The following CEP63 variants were observed in gnomAD, a reference collection of about 807,000 sequenced individuals.
The protein encoded by CEP63 is centrosomal protein of 63 kDa.
A neutral mutation model predicts 89.1 loss-of-function variants in CEP63; 84 were observed. The observed-to-expected ratio is 0.94, with a 90% CI of 0.79 to 1.13. The LOEUF (loss-of-function observed/expected upper bound fraction) is 1.13, where lower values mean the gene tolerates loss of function less well. Ranked by LOEUF, CEP63 falls within the 50% of genes most tolerant of loss-of-function variation. The pLI is 0.00. For missense variants in CEP63, 838 were observed against 813.3 expected (o/e 1.03, Z -0.37); for synonymous variants, 267 against 272.5 (o/e 0.98, Z 0.20).
the CEP63 span, among the ~76,000 whole-genome samples, chr3:134,644,600 G>A: frequency 6.6e-6 from 1 of 152,230 alleles, no homozygotes; most frequent in Non-Finnish European, 1.5e-5. Flanking sequence ...GCTTGTCACT[G>A]GAAGTGACCA....
the CEP63 span, chr3:134,650,889 G>A: frequency 6.2e-7 from 1 of 1,612,924 alleles, no homozygotes; most frequent in Non-Finnish European, 8.5e-7. Context: ...CCTGTGCGGC[G>A]CGCCGCTTCT....
the CEP63 span, among the ~76,000 whole-genome samples, chr3:134,664,670 T>TGTGTGTG: frequency 2.1e-4 from 28 of 131,014 alleles, no homozygotes; most frequent in Non-Finnish European, 4.4e-4. Context: ...TTAAGCAGTT[T>TGTGTGTG]TGTGTGTGTG....
the CEP63 span, among the ~76,000 whole-genome samples, chr3:134,689,314 A>G: frequency 6.6e-6 from 1 of 152,204 alleles, no homozygotes; most frequent in Non-Finnish European, 1.5e-5. Context: ...ACGTAGCTGA[A>G]TACAGATGTC....
intron 1 of CEP63, among the ~76,000 whole-genome samples, chr3:134,494,339 C>T (rs920973001): frequency 1.3e-5 from 2 of 151,654 alleles, no homozygotes; most frequent in Non-Finnish European, 2.9e-5. Flanking sequence ...TGGTCTCAAA[C>T]TCCTGACCTC....
At chr3:134,551,810 T>C (rs575487597) in intron 11 of CEP63, 116 bp from the exon 12 acceptor site, 3 of 359,050 alleles carry the variant, frequency 8.4e-6, no homozygotes, top group Admixed American at 8.2e-5. Context: ...TGTATATGTA[T>C]ATATATATAA....
intron 1 of CEP63, among the ~76,000 whole-genome samples, chr3:134,490,122 T>TG (rs1350288200): frequency 1.3e-5 from 2 of 152,172 alleles, no homozygotes; most frequent in East Asian, 3.8e-4. Flanking sequence ...GTGTTCTTGC[T>TG]ACTAGGTTAG....
intron 12 of CEP63, among the ~76,000 whole-genome samples, chr3:134,557,392 T>TC (rs1414868107): frequency 1.4e-5 from 2 of 147,568 alleles, no homozygotes; most frequent in African/African-American, 5.1e-5. Context: ...TTTTTTTTTT[T>TC]TTTTTTTTTT....
intron 1 of CEP63, among the ~76,000 whole-genome samples, chr3:134,493,475 AC>A (rs1455245854): frequency 6.6e-6 from 1 of 151,908 alleles, no homozygotes; most frequent in Non-Finnish European, 1.5e-5. Flanking sequence ...AAACATGGGA[AC>A]CTTTTTCTTT....
the CEP63 span, among the ~76,000 whole-genome samples, chr3:134,623,485 A>G: frequency 2.0e-5 from 3 of 151,392 alleles, no homozygotes; most frequent in African/African-American, 4.9e-5. Flanking sequence ...TCTTCAATCA[A>G]TGGCCTCCTT....
intron 6 of CEP63, among the ~76,000 whole-genome samples, chr3:134,543,338 G>A (rs1952460071): frequency 6.6e-6 from 1 of 152,068 alleles, no homozygotes; most frequent in South Asian, 2.1e-4. Flanking sequence ...TGACTGCAAT[G>A]GTATTGCAGC....
At chr3:134,488,319 T>C (rs1459155700) in intron 1 of CEP63, among the ~76,000 whole-genome samples, 1 of 152,160 alleles carries the variant, frequency 6.6e-6, no homozygotes, top group Non-Finnish European at 1.5e-5. Context: ...TTCATATTAC[T>C]GAAGAAGTGG....
chr3:134,700,772 T>A, the CEP63 span, among the ~76,000 whole-genome samples: 3 of 152,234 alleles, frequency 2.0e-5, no homozygotes, highest in South Asian at 6.2e-4. Context: ...AGGTTGATCT[T>A]CACCCCACTC....
the CEP63 span, among the ~76,000 whole-genome samples, chr3:134,616,206 C>G: frequency 1.3e-5 from 2 of 152,206 alleles, no homozygotes; most frequent in Non-Finnish European, 2.9e-5. Flanking sequence ...CCAGCAGTTA[C>G]AAGCTATAGC....
the CEP63 span, among the ~76,000 whole-genome samples, chr3:134,759,246 C>T: frequency 0.13 from 20,227 of 152,220 alleles, 1,470 homozygotes; most frequent in Middle Eastern, 0.18. Context: ...GAGACTAATA[C>T]AGTCTCTGAC....
chr3:134,569,880 A>G (rs532540900), downstream of CEP63, among the ~76,000 whole-genome samples: 33 of 152,246 alleles, frequency 2.2e-4, no homozygotes, highest in African/African-American at 7.9e-4. Context: ...CACCCTCTGA[A>G]ATCTAGGTGG....
At chr3:134,683,215 A>G in the CEP63 span, among the ~76,000 whole-genome samples, 4 of 152,258 alleles carry the variant, frequency 2.6e-5, no homozygotes. Flanking sequence ...GGTTTTCATC[A>G]TCTGACACAT....
the CEP63 span, among the ~76,000 whole-genome samples, chr3:134,662,207 G>T: frequency 6.6e-6 from 1 of 151,830 alleles, no homozygotes; most frequent in Admixed American, 6.6e-5. Context: ...AACTCAGGAG[G>T]CAGAGCTTGC....
chr3:134,620,899 G>C, the CEP63 span: 2 of 1,171,914 alleles, frequency 1.7e-6, no homozygotes, highest in Non-Finnish European at 2.5e-6. Context: ...GCCTCGAGGA[G>C]GGGCTGTTGG....
chr3:134,662,773 C>T, the CEP63 span, among the ~76,000 whole-genome samples: 102 of 152,284 alleles, frequency 6.7e-4, no homozygotes, highest in African/African-American at 2.2e-3. Context: ...TGAAGGTGTA[C>T]GTGGATAGCA....
Sources: gnomAD v4.1 joint callset for allele counts (sites outside exome capture counted in the v4.1 genomes callset) on GRCh38, gnomAD v4.1.1 for gene constraint, MANE v1.5 for transcripts, NCBI Gene and HGNC (gene_info 2026-07-23, HGNC 2026-07-21) for gene names.